Variants in NAV1 observed in about 807,000 individuals in gnomAD.
The protein encoded by NAV1 is neuron navigator 1.
NAV1 carries 18 observed loss-of-function variants against 175.2 expected under a neutral mutation model. The ratio of observed to expected loss-of-function variants is 0.10; its 90% CI spans 0.07 to 0.15. The LOEUF (loss-of-function observed/expected upper bound fraction) is 0.15. NAV1 is among the 10% of genes least tolerant of loss of function. The pLI is 1.00. For synonymous variants in NAV1, 897 were observed against 978.7 expected, an observed-to-expected ratio of 0.92 and a Z score of 1.56; for missense variants, 1,731 against 2,436.6, an observed-to-expected ratio of 0.71 and a Z score of 6.10.
rs148789473 is a variant in NAV1, at chr1:201,813,159, G to C, written c.5241G>C (p.Ser1747=). 5.5e-4 allele frequency: 881 copies of C among 1,613,730 alleles called. 4 individuals carry two copies. In the African/African-American group the frequency reaches 0.011, roughly 19 times the overall value. The change falls in exon 28 of 30, where the codon TCG becomes TCC. Residue 1747 remains serine, a synonymous_variant. Coordinates refer to ENST00000367296, the Ensembl canonical transcript of NAV1. This position sits in a 1 kb window ranked among gnomAD's most constrained non-coding sequence, Gnocchi z 4.2. ...CCCTAGGCCCTTGCTTCTTTCTGTC[G>C]TGTCCCATTGGCATTGAGGACTTCC... is the stretch of plus-strand genomic sequence containing the variant.
exon 30 of NAV1, chr1:201,823,193 A>C (rs912384863): frequency 6.5e-6 from 1 of 152,702 alleles, no homozygotes; most frequent in African/African-American, 2.4e-5. Flanking sequence ...ATCTAATGTC[A>C]ACCAATGGGG....
At chr1:201,748,713 T>G (rs752410742) in intron 3 of NAV1, among the ~76,000 whole-genome samples, 3 of 152,148 alleles carry the variant, frequency 2.0e-5, no homozygotes, top group Non-Finnish European at 4.4e-5. Context: ...GGAAAAAAAT[T>G]TACTGTGCCA....
intron 1 of NAV1, among the ~76,000 whole-genome samples, chr1:201,701,536 G>A (rs1671425526): frequency 6.6e-6 from 1 of 152,200 alleles, no homozygotes; most frequent in Non-Finnish European, 1.5e-5. Flanking sequence ...GCTACGAGCT[G>A]GTGTAATGAT....
rs1672795567 is a variant in NAV1 at position 201,730,265 on chromosome 1, GAC to G, written c.1226+11512_1226+11513del. Among the ~76,000 whole-genome samples the G allele has an allele frequency of 2.6e-5, 4 of 152,340 alleles. No individual in the cohort carries two copies. In the South Asian group the frequency reaches 8.3e-4, roughly 32 times the overall value. ...TTAATGTTAACAGCACTGTGAATTAGACATTCTTCCCCCCTCCAATTTACAAG... is the reference window on the plus strand; with the variant it reads ...TTAATGTTAACAGCACTGTGAATTAGATTCTTCCCCCCTCCAATTTACAAG... On this transcript the variant is annotated intron_variant, in intron 3 of 29. Transcript: ENST00000367296.
At chr1:201,674,457 C>T (rs1420515391) in intron 1 of NAV1, among the ~76,000 whole-genome samples, 2 of 152,056 alleles carry the variant, frequency 1.3e-5, no homozygotes, top group Admixed American at 6.5e-5. Flanking sequence ...ACCAGGAGCC[C>T]TCCTGGAGGC....
At chr1:201,729,156 C>T (rs1672738619) in intron 3 of NAV1, among the ~76,000 whole-genome samples, 1 of 152,200 alleles carries the variant, frequency 6.6e-6, no homozygotes, top group Admixed American at 6.5e-5. Flanking sequence ...CTGTGATAAG[C>T]CAGCTGAGCT....
intron 1 of NAV1, among the ~76,000 whole-genome samples, chr1:201,687,593 T>A (rs1049673513): frequency 3.3e-5 from 5 of 152,230 alleles, no homozygotes; most frequent in African/African-American, 1.2e-4. Context: ...ATCTCTGTTC[T>A]ACAGGTGGAA....
chr1:201,565,744 T>A (rs1666336061), intron 1 of NAV1, among the ~76,000 whole-genome samples: 1 of 152,028 alleles, frequency 6.6e-6, no homozygotes, highest in Non-Finnish European at 1.5e-5. Context: ...ACCCACCCCC[T>A]GCCTCTCTGG....
At chr1:201,781,454 C>CTGGT in intron 5 of NAV1, 145 bp downstream of exon 9, 1 of 796,410 alleles carries the variant, frequency 1.3e-6, no homozygotes, top group Non-Finnish European at 1.9e-6. Flanking sequence ...TAAGGACAGT[C>CTGGT]CCGTGAGTTA....
chr1:201,804,423 G>T (rs1474959160), intron 16 of NAV1, 66 bp from the exon 21 acceptor site: 4 of 1,477,346 alleles, frequency 2.7e-6, no homozygotes, highest in Non-Finnish European at 3.7e-6. Context: ...TGAAATGAGT[G>T]ATTAAGTGTT....
intron 2 of NAV1, 71 bp downstream of exon 6, chr1:201,712,990 GC>G (rs2102471369): frequency 9.0e-6 from 11 of 1,215,796 alleles, no homozygotes; most frequent in East Asian, 2.4e-5. Context: ...GGAGGGCAGG[GC>G]CCCCGGGTCC....
rs1441955875 is a variant in NAV1 at position 201,787,876 on chromosome 1, G to A, written c.2996-592G>A. The stretch of plus-strand genomic sequence containing the variant: ...GCTCTGTCCATCTGACCTTCAAGCC[G>A]GGGCAATGCTAGGCAAAGAGGGCCA... On this transcript the variant is annotated intron_variant, in intron 9 of 29. Transcript: ENST00000367296. The surrounding 1 kb of genome is among the most constrained non-coding windows in gnomAD (Gnocchi z 4.3). 2.3e-5 allele frequency: 8 copies of A among 353,018 alleles called. No homozygotes were observed. Among genetic ancestry groups the A allele is most frequent in the South Asian group, 8.8e-5 (4 of 45,426 alleles). 21.9% of individuals were successfully genotyped at this position (353,018 alleles called of 1,614,324 possible).
In NAV1 at chr1:201,812,591, C is replaced by T; in HGVS notation, c.5151C>T (p.Asp1717=). The stretch of plus-strand genomic sequence containing the variant: ...AGGAAGAGCTGCTTCGGGTGCTCGA[C>T]TGGGTACCCAAGCTGTGGTATCATC... Residue 1717 remains aspartate, a synonymous_variant, in exon 27 of 30, where the codon GAC becomes GAT. Coordinates refer to ENST00000367296, the Ensembl canonical transcript of NAV1. This position sits in a 1 kb window ranked among gnomAD's most constrained non-coding sequence, Gnocchi z 4.6. 1 of 1,614,196 alleles carries T rather than the reference C, an allele frequency of 6.2e-7. No individual in the cohort carries two copies. The highest frequency in any genetic ancestry group is 8.5e-7 in the Non-Finnish European group (1 of 1,180,030).
intron 5 of NAV1, 75 bp downstream of exon 9, chr1:201,781,384 A>G: frequency 7.2e-7 from 1 of 1,394,924 alleles, no homozygotes; most frequent in Non-Finnish European, 9.6e-7. Flanking sequence ...GTGGTCATTA[A>G]CCCATAGGAT....
chr1:201,566,231 C>A (rs1282467314), intron 1 of NAV1, among the ~76,000 whole-genome samples: 1 of 152,160 alleles, frequency 6.6e-6, no homozygotes, highest in African/African-American at 2.4e-5. Context: ...GCTCTGAGAA[C>A]CACTCCCCAG....
chr1:201,750,616 T>C lies in NAV1; in HGVS notation c.1227-29805T>C, dbSNP rs955082944. On this transcript the variant is annotated intron_variant, in intron 3 of 29. Coordinates refer to ENST00000367296, the Ensembl canonical transcript of NAV1. This position sits in a 1 kb window ranked among gnomAD's most constrained non-coding sequence, Gnocchi z 4.1. ...CTCTCCCCAAGTCAGACAGAGGACA[T>C]ATTTTTAGTGCTCAAGTCATAGCTT... is the stretch of plus-strand genomic sequence containing the variant. 2.0e-5 allele frequency among the ~76,000 whole-genome samples: 3 copies of C among 152,164 alleles called. No homozygotes were observed. Among genetic ancestry groups the C allele is most frequent in the African/African-American group, 7.2e-5 (3 of 41,440 alleles).
At chr1:201,749,364 T>C (rs563575695) in intron 3 of NAV1, among the ~76,000 whole-genome samples, 3 of 152,368 alleles carry the variant, frequency 2.0e-5, no homozygotes, top group African/African-American at 7.2e-5. Context: ...GCTGTGATGA[T>C]GTCTTCAGCC....
intron 1 of NAV1, among the ~76,000 whole-genome samples, chr1:201,689,404 A>G (rs756398871): frequency 1.3e-5 from 2 of 152,172 alleles, no homozygotes; most frequent in Non-Finnish European, 2.9e-5. Context: ...TCATGTCACC[A>G]CTCAACCAAG....
chr1:201,674,503 G>A (rs565033220), intron 1 of NAV1, among the ~76,000 whole-genome samples: 7 of 152,192 alleles, frequency 4.6e-5, no homozygotes, highest in East Asian at 1.9e-4. Context: ...CCATTCTTGC[G>A]TTGCTGTAAA....
Sources: allele counts gnomAD v4.1 joint callset (sites outside exome capture counted in the v4.1 genomes callset), GRCh38; gene constraint gnomAD v4.1.1; non-coding constraint Gnocchi (gnomAD v3.1); transcripts MANE v1.5; gene names NCBI Gene and HGNC (gene_info 2026-07-23, HGNC 2026-07-21).